Variants in SLC35G1 observed in about 807,000 individuals in gnomAD.
SLC35G1 encodes the protein partner of STIM1.
Under a neutral mutation model 17.1 loss-of-function variants are expected in SLC35G1, and 10 were observed. That is an observed-to-expected ratio of 0.59 (90% CI 0.36 to 0.99). The LOEUF is 0.99. SLC35G1 is among the 50% of genes least tolerant of loss of function. The pLI, the probability that SLC35G1 is intolerant of heterozygous loss-of-function variation, is 0.01. For missense variants in SLC35G1, 433 were observed against 468.4 expected (o/e 0.92, Z 0.70); for synonymous variants, 185 against 181.1 (o/e 1.02, Z -0.18).
At chr10:93,894,232 G>C in intron 1 of SLC35G1, 21 bp downstream of exon 1, 1 of 1,343,962 alleles carries the variant, frequency 7.4e-7, no homozygotes, top group Non-Finnish European at 9.5e-7. Context: ...GGTGTGGATC[G>C]GGCTCTGGTC....
At chr10:93,899,509 G>T (rs924164021) in intron 2 of SLC35G1, among the ~76,000 whole-genome samples, 2 of 152,152 alleles carry the variant, frequency 1.3e-5, no homozygotes, top group African/African-American at 4.8e-5. Flanking sequence ...AACCCTGAGA[G>T]CGAGACCAGT....
chr10:93,905,449 A>ATAGG (rs1208128026), downstream of SLC35G1, among the ~76,000 whole-genome samples: 3 of 152,290 alleles, frequency 2.0e-5, no homozygotes, highest in African/African-American at 7.2e-5. Context: ...ATTCTGCAAG[A>ATAGG]TAACCTATCA....
At chr10:93,898,359 G>A (rs1354455802) in intron 1 of SLC35G1, among the ~76,000 whole-genome samples, 3 of 152,038 alleles carry the variant, frequency 2.0e-5, no homozygotes, top group Non-Finnish European at 2.9e-5. Flanking sequence ...AGGGCGAAAC[G>A]GCATTTTAAA....
exon 3 of SLC35G1, chr10:93,909,575 T>TCA (rs2060447646): frequency 6.6e-6 from 1 of 152,166 alleles, no homozygotes; most frequent in South Asian, 2.1e-4. Flanking sequence ...TACCTCTGGT[T>TCA]TGAGGGACTC....
intron 1 of SLC35G1, among the ~76,000 whole-genome samples, chr10:93,896,606 C>G (rs1388641385): frequency 6.6e-6 from 1 of 152,126 alleles, no homozygotes; most frequent in East Asian, 1.9e-4. Flanking sequence ...CAGTCCTCAC[C>G]CTCGTTAACA....
chr10:93,897,599 C>T (rs1336848310), intron 1 of SLC35G1, among the ~76,000 whole-genome samples: 1 of 152,200 alleles, frequency 6.6e-6, no homozygotes, highest in African/African-American at 2.4e-5. Flanking sequence ...CACCCTGCTG[C>T]TTTTGCTCTC....
At position 93,902,229 on chromosome 10, in the gene SLC35G1, T is replaced by G. The variant is rs2134070797; in HGVS notation, c.*739T>G. On this transcript the variant is annotated 3_prime_UTR_variant, in exon 3 of 3. Transcript: ENST00000427197. Reference sequence around the variant, plus strand: ...CAACTGCAGCTAGCATACTATAATTTTAATTGTCCTCACTTTTTTTTGAAA... The same window carrying G: ...CAACTGCAGCTAGCATACTATAATTGTAATTGTCCTCACTTTTTTTTGAAA... 6.5e-6 allele frequency: 1 copy of G among 152,766 alleles called. No homozygotes were observed. Among genetic ancestry groups the G allele is most frequent in the South Asian group, 2.1e-4 (1 of 4,828 alleles). The allele number at this position is 152,766 out of a possible 1,614,324, so 9.5% of individuals were successfully genotyped here.
Position 93,903,226 on chromosome 10 carries a change from A to T in SLC35G1, c.*1736A>T, listed in dbSNP as rs2060406263. ...TATGTAGGTGAGTCATCTCTGTTCCACCTGATTTACAGTATTGGAATTTAG... is the reference window on the plus strand; with the variant it reads ...TATGTAGGTGAGTCATCTCTGTTCCTCCTGATTTACAGTATTGGAATTTAG... On this transcript the variant is annotated 3_prime_UTR_variant, in exon 3 of 3. Coordinates refer to ENST00000427197, the MANE Select transcript of SLC35G1 (RefSeq NM_001134658.3). 1 of 152,164 alleles carries T rather than the reference A, an allele frequency of 6.6e-6. No individual in the cohort carries two copies. The highest frequency in any genetic ancestry group is 1.5e-5 in the Non-Finnish European group (1 of 68,030). The allele number at this position is 152,164 out of a possible 1,614,324, so 9.4% of individuals were successfully genotyped here.
chr10:93,905,655 A>G (rs1330417249), downstream of SLC35G1, among the ~76,000 whole-genome samples: 4 of 152,222 alleles, frequency 2.6e-5, no homozygotes, highest in African/African-American at 9.6e-5. Flanking sequence ...AATGTAGCAG[A>G]GATGCCCAGT....
chr10:93,894,570 C>CCCTGCA (rs1437766953), intron 1 of SLC35G1, among the ~76,000 whole-genome samples: 1 of 151,756 alleles, frequency 6.6e-6, no homozygotes, highest in Non-Finnish European at 1.5e-5. Context: ...AGTGGGGCGA[C>CCCTGCA]GTTGCGAGGA....
rs931576309 is a variant in SLC35G1, at chr10:93,903,499, G to A, written c.*2009G>A. On this transcript the variant is annotated 3_prime_UTR_variant, in exon 3 of 3. Coordinates refer to ENST00000427197, the MANE Select transcript of SLC35G1 (RefSeq NM_001134658.3). ...TTAACTCTCAGGGAACCCTCTTCCA[G>A]TTCTTTACCTTGCACAGTGAAAGAA... The A allele has an allele frequency of 2.0e-5, 3 of 152,184 alleles. No individual in the cohort carries two copies. Among genetic ancestry groups the A allele is most frequent in the Non-Finnish European group, 2.9e-5 (2 of 68,042 alleles). The allele number at this position is 152,184 out of a possible 1,614,324, so 9.4% of individuals were successfully genotyped here. A position where few individuals can be genotyped will look rare whatever the true frequency, so the allele number is the denominator to read the frequency against.
chr10:93,900,875 T>A lies in SLC35G1; in HGVS notation c.483T>A (p.Val161=). 6.2e-7 allele frequency: 1 copy of A among 1,614,132 alleles called. No individual in the cohort carries two copies. The highest frequency in any genetic ancestry group is 8.5e-7 in the Non-Finnish European group (1 of 1,179,984). The change falls in exon 3 of 3, where the codon GTT becomes GTA. Residue 161 remains valine (V), a synonymous_variant. Coordinates refer to ENST00000427197, the MANE Select transcript of SLC35G1 (RefSeq NM_001134658.3). ...CAATGTCCCTCGCTGATGCCACAGT[T>A]ATCACGTTTAGCAGTCCAGTGTTTA... ...YQTMSLADAT[V]ITFSSPVFTS...
chr10:93,894,409 C>G (rs2060309766), intron 1 of SLC35G1, among the ~76,000 whole-genome samples, 198 bp downstream of exon 1: 1 of 152,142 alleles, frequency 6.6e-6, no homozygotes, highest in African/African-American at 2.4e-5. Context: ...GGCGCTAAGA[C>G]GGAAGAAACT....
chr10:93,898,527 A>G, intron 1 of SLC35G1, 44 bp from the exon 2 acceptor site: 4 of 1,563,994 alleles, frequency 2.6e-6, no homozygotes, highest in Non-Finnish European at 3.5e-6. Context: ...ATGATAACAC[A>G]TACACTTGGA....
At chr10:93,894,548 AG>A (rs1485092946) in intron 1 of SLC35G1, among the ~76,000 whole-genome samples, 1 of 151,878 alleles carries the variant, frequency 6.6e-6, no homozygotes, top group East Asian at 1.9e-4. Context: ...TCAGCGAGAG[AG>A]GCCATCCTGC....
chr10:93,894,286 G>C, intron 1 of SLC35G1, 75 bp downstream of exon 1: 2 of 1,268,104 alleles, frequency 1.6e-6, no homozygotes, highest in Non-Finnish European at 2.0e-6. Context: ...TGGGGTCCCC[G>C]CAACCCGGGC....
intron 1 of SLC35G1, among the ~76,000 whole-genome samples, chr10:93,897,867 G>T (rs903794079): frequency 6.6e-6 from 1 of 152,202 alleles, no homozygotes; most frequent in African/African-American, 2.4e-5. Flanking sequence ...TGCTCTGAAT[G>T]GGAAGATAAG....
At position 93,901,400 on chromosome 10, in the gene SLC35G1, G is replaced by C; in HGVS notation, c.1008G>C (p.Val336=). 6.2e-7 allele frequency: 1 copy of C among 1,614,094 alleles called. No homozygotes were observed. Among genetic ancestry groups the C allele is most frequent in the Non-Finnish European group, 8.5e-7 (1 of 1,179,974 alleles). The change falls in exon 3 of 3, where the codon GTG becomes GTC. Residue 336 remains valine, a synonymous_variant. Transcript: ENST00000427197. The stretch of plus-strand genomic sequence containing the variant: ...TTCAGATTATTTTCTTTAATAATGT[G>C]CCAACGTGGTGGACAGTGGGTGGTG... The part of the protein sequence containing the change: ...FIFQIIFFNN[V]PTWWTVGGAL...
chr10:93,898,037 T>A (rs2060347381), intron 1 of SLC35G1, among the ~76,000 whole-genome samples: 1 of 152,206 alleles, frequency 6.6e-6, no homozygotes, highest in Non-Finnish European at 1.5e-5. Flanking sequence ...TCCAGTGTCT[T>A]CCATGTGCCA....
Sources: gnomAD v4.1 joint callset for allele counts (sites outside exome capture counted in the v4.1 genomes callset) on GRCh38, gnomAD v4.1.1 for gene constraint, MANE v1.5 for transcripts, NCBI Gene and HGNC (gene_info 2026-07-23, HGNC 2026-07-21) for gene names.